FRYL: variants seen among roughly 807,000 people sequenced by gnomAD.
The protein encoded by FRYL is FRY like transcription coactivator.
FRYL carries 150 observed loss-of-function variants against 351.2 expected under a neutral mutation model. The ratio of observed to expected loss-of-function variants is 0.43; its 90% CI spans 0.37 to 0.49. The LOEUF (loss-of-function observed/expected upper bound fraction) is 0.49, where lower values mean the gene tolerates loss of function less well. Among genes scored for constraint, FRYL ranks in the 20% least tolerant of loss-of-function variants. The pLI, the probability that FRYL is intolerant of heterozygous loss-of-function variation, is 0.00. For missense variants in FRYL, 3,036 were observed against 3,619.3 expected (o/e 0.84, Z 4.13); for synonymous variants, 1,153 against 1,257.1 (o/e 0.92, Z 1.75).
chr4:48,508,255 T>C (rs1336525485), intron 59 of FRYL, among the ~76,000 whole-genome samples: 1 of 152,204 alleles, frequency 6.6e-6, no homozygotes, highest in Non-Finnish European at 1.5e-5. Flanking sequence ...TGAATTTCCA[T>C]ATAAATTTTA....
At chr4:48,750,198 C>T (rs1226054616) in intron 1 of FRYL, among the ~76,000 whole-genome samples, 2 of 149,406 alleles carry the variant, frequency 1.3e-5, no homozygotes, top group Non-Finnish European at 3.0e-5. Flanking sequence ...TAGTGGCTCA[C>T]GCGTATAATA....
intron 1 of FRYL, among the ~76,000 whole-genome samples, chr4:48,753,172 TAAAC>T (rs1773423048): frequency 1.3e-5 from 2 of 152,168 alleles, no homozygotes; most frequent in South Asian, 4.1e-4. Context: ...ATCATGACAT[TAAAC>T]AAGTAGAGAA....
chr4:48,663,333 A>ATACT (rs1553967432), intron 3 of FRYL, among the ~76,000 whole-genome samples: 8 of 7,474 alleles, frequency 1.1e-3, no homozygotes, highest in South Asian at 0.071. Context: ...AATTAAATAT[A>ATACT]TAATTTAATT....
intron 16 of FRYL, among the ~76,000 whole-genome samples, chr4:48,592,125 G>A (rs1743530102): frequency 1.0e-5 from 1 of 98,686 alleles, no homozygotes; most frequent in African/African-American, 5.7e-5. Flanking sequence ...TTTTATCTAA[G>A]TAAGATTAAA....
At chr4:48,527,350 A>G in intron 53 of FRYL, 127 bp downstream of exon 53, 1 of 554,776 alleles carries the variant, frequency 1.8e-6, no homozygotes, top group Non-Finnish European at 2.9e-6. Flanking sequence ...ATCAAATTTA[A>G]TTCCTAATTT....
At chr4:48,583,272 C>T (rs1741311362) in intron 19 of FRYL, among the ~76,000 whole-genome samples, 1 of 152,118 alleles carries the variant, frequency 6.6e-6, no homozygotes, top group Non-Finnish European at 1.5e-5. Flanking sequence ...CTGCCTCAGC[C>T]TCCCAAGTAG....
chr4:48,674,226 A>G (rs1763179732), intron 3 of FRYL, among the ~76,000 whole-genome samples: 1 of 152,192 alleles, frequency 6.6e-6, no homozygotes, highest in African/African-American at 2.4e-5. Context: ...TTGTTAGTAC[A>G]TTCTGAATCA....
chr4:48,653,363 T>A lies in FRYL; in HGVS notation c.-80-18873A>T, dbSNP rs1021345818. On this transcript the variant is annotated intron_variant, in intron 3 of 63. Transcript: ENST00000358350. ...ACAGAAGTGTGGAAGAGTACTGGTA[T>A]CTGATAACCCTGCAGAGATTAGAAT... 2.4e-4 allele frequency among the ~76,000 whole-genome samples: 36 copies of A among 152,306 alleles called. No individual in the cohort carries two copies. In the Middle Eastern group the frequency reaches 0.01, roughly 43 times the overall value.
At chr4:48,758,039 A>T (rs991035856) in intron 1 of FRYL, among the ~76,000 whole-genome samples, 5 of 152,224 alleles carry the variant, frequency 3.3e-5, no homozygotes, top group Admixed American at 3.3e-4. Flanking sequence ...CCATATGTAG[A>T]AAGCTGAAAC....
At chr4:48,723,052 T>C (rs1769664893) in intron 1 of FRYL, among the ~76,000 whole-genome samples, 1 of 152,346 alleles carries the variant, frequency 6.6e-6, no homozygotes, top group South Asian at 2.1e-4. Flanking sequence ...ACTATCCTCC[T>C]GGACATCTAA....
chr4:48,611,154 T>C (rs908703015), intron 7 of FRYL, among the ~76,000 whole-genome samples: 2 of 152,020 alleles, frequency 1.3e-5, no homozygotes, highest in African/African-American at 4.8e-5. Context: ...GTTCCTGATA[T>C]AAAATGGTGT....
In FRYL at chr4:48,564,021, C is replaced by T. The variant is rs1736163584; in HGVS notation, c.3523G>A (p.Asp1175Asn). The T allele has an allele frequency of 6.2e-7, 1 of 1,614,186 alleles. No individual in the cohort carries two copies. The highest frequency in any genetic ancestry group is 8.5e-7 in the Non-Finnish European group (1 of 1,180,036). The stretch of plus-strand genomic sequence containing the variant: ...CTCCCGGAGCCCGTGTAGCAGCGGT[C>T]CACAGCCCAGTACATCAGGTTGCTC... ...DQSNLMYWAVDRCYTGSGRVA... is the reference protein window; with the variant it reads ...DQSNLMYWAVNRCYTGSGRVA... Residue 1175 changes from aspartate (D) to asparagine (N), a missense_variant, in exon 31 of 64, where the codon GAC becomes AAC. Around this residue, in one of 7 missense-constraint regions of FRYL, gnomAD observed 1,987 missense variants for 2,311.7 expected, o/e 0.86. Transcript: ENST00000358350.
chr4:48,528,233 G>A lies in FRYL; in HGVS notation c.7007C>T (p.Ser2336Phe). 1 of 1,613,220 alleles carries A rather than the reference G, an allele frequency of 6.2e-7. No individual in the cohort carries two copies. Among genetic ancestry groups the A allele is most frequent in the Non-Finnish European group, 8.5e-7 (1 of 1,179,352 alleles). Residue 2336 changes from serine (S) to phenylalanine (F), a missense_variant, in exon 51 of 64, where the codon TCT (serine) becomes TTT (phenylalanine). This residue lies in a region of FRYL where 1,987 missense variants were observed against 2,311.7 expected (regional missense o/e 0.86). Transcript: ENST00000358350. ...AACCAAGGCATTAGAATTAGAACCA[G>A]AAGAAGTTGAGGAAGTACTTCTAGT... ...AVTRSTSSTS[S>F]GSNSNALVPV...
At chr4:48,600,929 T>C (rs1745571750) in intron 13 of FRYL, among the ~76,000 whole-genome samples, 1 of 152,182 alleles carries the variant, frequency 6.6e-6, no homozygotes, top group South Asian at 2.1e-4. Flanking sequence ...CATCCAAACA[T>C]GAGTAATATC....
intron 50 of FRYL, among the ~76,000 whole-genome samples, chr4:48,528,740 C>T (rs1343805836): frequency 3.3e-5 from 5 of 151,992 alleles, no homozygotes; most frequent in South Asian, 2.1e-4. Context: ...TAAATTTTGG[C>T]GCTTTTTCAA....
chr4:48,632,112 ATATAT>A (rs200130257), intron 4 of FRYL, among the ~76,000 whole-genome samples: 4,516 of 46,128 alleles, frequency 0.098, 235 homozygotes, highest in East Asian at 0.16. Flanking sequence ...ATATATATAT[ATATAT>A]ATATATATAT....
At chr4:48,736,833 G>A (rs1440836332) in intron 1 of FRYL, among the ~76,000 whole-genome samples, 1 of 112,068 alleles carries the variant, frequency 8.9e-6, no homozygotes, top group African/African-American at 3.4e-5. Context: ...CTGGGCGACA[G>A]ACTGAGACTC....
Position 48,582,571 on chromosome 4 carries a change from C to A in FRYL, c.1912G>T (p.Val638Leu). The change falls in exon 20 of 64, where the codon GTA (valine) becomes TTA (leucine). Residue 638 changes from valine to leucine, a missense_variant. Coordinates refer to ENST00000358350, the MANE Select transcript of FRYL (RefSeq NM_015030.2). The stretch of plus-strand genomic sequence containing the variant: ...TTTATTAATTGTACCAACATCTTTA[C>A]GGCATTATCAAGAAGTGTGGGATGG... ...DVHPTLLDNA[V>L]KMLVQLINQW... 1 of 1,614,006 alleles carries A rather than the reference C, an allele frequency of 6.2e-7. No homozygotes were observed. Among genetic ancestry groups the A allele is most frequent in the Non-Finnish European group, 8.5e-7 (1 of 1,179,950 alleles).
At chr4:48,519,028 T>C (rs1724308872) in intron 55 of FRYL, among the ~76,000 whole-genome samples, 1 of 152,254 alleles carries the variant, frequency 6.6e-6, no homozygotes, top group Non-Finnish European at 1.5e-5. Context: ...ACATGCCATG[T>C]GGTTCCATCT....
Sources: gnomAD v4.1 joint callset for allele counts (sites outside exome capture counted in the v4.1 genomes callset) on GRCh38, gnomAD v4.1.1 for gene constraint, gnomAD v4.1.1 regional missense constraint, MANE v1.5 for transcripts, NCBI Gene and HGNC (gene_info 2026-07-23, HGNC 2026-07-21) for gene names.